The following GRM8 variants were observed in gnomAD, a reference collection of about 807,000 sequenced individuals.
GRM8 encodes the protein glutamate metabotropic receptor 8, also known as metabotropic glutamate receptor 8.
A neutral mutation model predicts 87.2 loss-of-function variants in GRM8; 47 were observed. The ratio of observed to expected loss-of-function variants is 0.54; its 90% confidence interval spans 0.43 to 0.69. GRM8 has a LOEUF of 0.69. Among genes scored for constraint, GRM8 ranks in the 30% least tolerant of loss-of-function variants. GRM8 has a pLI of 0.00. For missense variants in GRM8, 1,019 were observed against 1,139.2 expected, an observed-to-expected ratio of 0.89 and a Z score of 1.52; for synonymous variants, 396 against 404.5, an observed-to-expected ratio of 0.98 and a Z score of 0.25.
At chr7:126,494,989 C>T (rs1334185262) in intron 9 of GRM8, among the ~76,000 whole-genome samples, 1 of 151,892 alleles carries the variant, frequency 6.6e-6, no homozygotes, top group East Asian at 1.9e-4. Context: ...CTTTATAATA[C>T]CAAAAACATT....
intron 3 of GRM8, among the ~76,000 whole-genome samples, chr7:126,932,369 G>C (rs1805851350): frequency 6.6e-6 from 1 of 152,070 alleles, no homozygotes; most frequent in African/African-American, 2.4e-5. Context: ...TAAAATAAAG[G>C]ATGTATTTTT....
intron 9 of GRM8, among the ~76,000 whole-genome samples, chr7:126,494,395 T>C (rs1057191477): frequency 6.6e-6 from 1 of 152,022 alleles, no homozygotes; most frequent in Non-Finnish European, 1.5e-5. Context: ...GTCATACACT[T>C]AATTCTAATG....
intron 6 of GRM8, among the ~76,000 whole-genome samples, chr7:126,881,166 G>T (rs1799987529): frequency 6.6e-6 from 1 of 152,108 alleles, no homozygotes; most frequent in African/African-American, 2.4e-5. Flanking sequence ...CAAATAAAGA[G>T]ATTTTAATAA....
At chr7:126,633,628 A>T in intron 7 of GRM8, among the ~76,000 whole-genome samples, 1 of 152,264 alleles carries the variant, frequency 6.6e-6, no homozygotes, top group East Asian at 1.9e-4. Context: ...AATGTTGAAG[A>T]CCTTTAAATA....
intron 8 of GRM8, among the ~76,000 whole-genome samples, chr7:126,597,148 A>G (rs2151062130): frequency 6.6e-6 from 1 of 152,272 alleles, no homozygotes; most frequent in Middle Eastern, 3.4e-3. Context: ...CCATAACCAT[A>G]TTAACATACT....
intron 8 of GRM8, among the ~76,000 whole-genome samples, chr7:126,555,504 A>T (rs1160814210): frequency 6.6e-6 from 1 of 151,534 alleles, no homozygotes; most frequent in Non-Finnish European, 1.5e-5. Context: ...TAATTATTGG[A>T]AATGAACAAT....
intron 7 of GRM8, among the ~76,000 whole-genome samples, chr7:126,757,285 G>A (rs1817119858): frequency 6.6e-6 from 1 of 152,084 alleles, no homozygotes; most frequent in Non-Finnish European, 1.5e-5. Flanking sequence ...ACTTCTTGGC[G>A]AGGGTGTAAT....
At chr7:127,101,502 C>G (rs1233889821) in intron 3 of GRM8, among the ~76,000 whole-genome samples, 1 of 152,156 alleles carries the variant, frequency 6.6e-6, no homozygotes, top group East Asian at 1.9e-4. Context: ...CCCACAAGAT[C>G]TGGTTGCTTA....
At chr7:126,837,327 G>T (rs1316026903) in intron 6 of GRM8, among the ~76,000 whole-genome samples, 1 of 152,112 alleles carries the variant, frequency 6.6e-6, no homozygotes, top group Non-Finnish European at 1.5e-5. Flanking sequence ...TACATAAAAA[G>T]GAATCAACTG....
chr7:127,147,655 A>G (rs1828625606), intron 2 of GRM8, among the ~76,000 whole-genome samples: 1 of 151,894 alleles, frequency 6.6e-6, no homozygotes, highest in African/African-American at 2.4e-5. Flanking sequence ...GGTTCAAAAC[A>G]CCTCTTTTTA....
At chr7:126,716,321 G>C (rs1163786633) in intron 7 of GRM8, among the ~76,000 whole-genome samples, 2 of 150,076 alleles carry the variant, frequency 1.3e-5, no homozygotes, top group Non-Finnish European at 3.0e-5. Context: ...AACAATTTCT[G>C]TAACTATCTG....
chr7:126,613,592 G>A (rs374078769), intron 7 of GRM8, among the ~76,000 whole-genome samples: 15 of 152,278 alleles, frequency 9.9e-5, no homozygotes, highest in African/African-American at 2.2e-4. Context: ...CGCCTCACCC[G>A]GAAAGTGCAA....
chr7:127,148,816 G>C (rs1244442828), intron 2 of GRM8, among the ~76,000 whole-genome samples: 1 of 151,928 alleles, frequency 6.6e-6, no homozygotes. Flanking sequence ...TTTTGTCAAG[G>C]GCACCAAGGG....
chr7:127,101,883 C>A (rs1311642350), intron 3 of GRM8, among the ~76,000 whole-genome samples: 1 of 152,144 alleles, frequency 6.6e-6, no homozygotes, highest in Non-Finnish European at 1.5e-5. Flanking sequence ...ATGAGGGAAA[C>A]TTTGTACCTT....
chr7:126,477,549 AAGG>A (rs1479387861), intron 9 of GRM8, among the ~76,000 whole-genome samples: 1 of 147,014 alleles, frequency 6.8e-6, no homozygotes, highest in Non-Finnish European at 1.5e-5. Context: ...AGACTGAGAA[AAGG>A]AGAAGTAAGA....
At chr7:126,963,002 C>T (rs764360614) in intron 3 of GRM8, among the ~76,000 whole-genome samples, 7 of 152,198 alleles carry the variant, frequency 4.6e-5, no homozygotes, top group Non-Finnish European at 8.8e-5. Context: ...TGTAAATATA[C>T]ATATACATTA....
chr7:127,079,953 C>T (rs1318271091), intron 3 of GRM8, among the ~76,000 whole-genome samples: 2 of 152,060 alleles, frequency 1.3e-5, no homozygotes, highest in African/African-American at 4.8e-5. Flanking sequence ...TATTTTTGTC[C>T]CTGTGGTACA....
At chr7:127,034,284 C>T (rs930934251) in intron 3 of GRM8, among the ~76,000 whole-genome samples, 3 of 152,198 alleles carry the variant, frequency 2.0e-5, no homozygotes, top group African/African-American at 7.2e-5. Context: ...ATACTATTCC[C>T]TATTGTGTCA....
chr7:126,692,138 G>A (rs2151374680), intron 7 of GRM8, among the ~76,000 whole-genome samples: 1 of 152,264 alleles, frequency 6.6e-6, no homozygotes. Flanking sequence ...ATTCACAATG[G>A]GAATTAAGCT....
Sources: allele counts gnomAD v4.1 joint callset (sites outside exome capture counted in the v4.1 genomes callset), GRCh38; gene constraint gnomAD v4.1.1; transcripts MANE v1.5; gene names NCBI Gene and HGNC (gene_info 2026-07-23, HGNC 2026-07-21).